The following ASB2 variants were observed in gnomAD, a reference collection of about 807,000 sequenced individuals.
ASB2 encodes the protein ankyrin repeat and SOCS box protein 2.
A neutral mutation model predicts 62.4 loss-of-function variants in ASB2; 58 were observed. The observed-to-expected ratio is 0.93, with a 90% confidence interval of 0.75 to 1.16. The LOEUF (loss-of-function observed/expected upper bound fraction) is 1.16. Ranked by LOEUF, ASB2 falls within the 50% of genes most tolerant of loss-of-function variation. ASB2 has a pLI of 0.00. For synonymous variants in ASB2, 386 were observed against 385.3 expected (o/e 1.00, Z -0.02); for missense variants, 928 against 887.9 (o/e 1.05, Z -0.57).
chr14:93,939,822 G>T, intron 7 of ASB2, 150 bp from the exon 8 acceptor site: 1 of 576,642 alleles, frequency 1.7e-6, no homozygotes, highest in Non-Finnish European at 2.8e-6. Flanking sequence ...AGGGGGCGCC[G>T]CGGGTCAACC....
At chr14:93,970,418 A>G (rs1458328812) in intron 1 of ASB2, among the ~76,000 whole-genome samples, 1 of 152,114 alleles carries the variant, frequency 6.6e-6, no homozygotes, top group East Asian at 1.9e-4. Flanking sequence ...CAGCTCCAGC[A>G]TCTCCTCTAC....
chr14:93,969,361 A>C (rs1011190265), intron 1 of ASB2, among the ~76,000 whole-genome samples: 3 of 152,196 alleles, frequency 2.0e-5, no homozygotes, highest in African/African-American at 7.2e-5. Flanking sequence ...CTGAGTTCAC[A>C]TCCCAGCTTT....
chr14:93,935,544 A>G (rs972560830), intron 9 of ASB2, among the ~76,000 whole-genome samples: 2 of 152,186 alleles, frequency 1.3e-5, no homozygotes, highest in African/African-American at 4.8e-5. Flanking sequence ...GGAGGCTTCC[A>G]CAAGAGACGG....
intron 7 of ASB2, among the ~76,000 whole-genome samples, chr14:93,946,565 C>T (rs930241158): frequency 2.6e-5 from 4 of 152,322 alleles, no homozygotes; most frequent in East Asian, 1.9e-4. Context: ...GGTGTGCAGT[C>T]GGTTCCTGAG....
intron 2 of ASB2, chr14:93,957,201 C>T: frequency 7.7e-7 from 1 of 1,304,556 alleles, no homozygotes; most frequent in Non-Finnish European, 9.7e-7. Flanking sequence ...ATTCTTCACC[C>T]AGGAGGATGT....
chr14:93,953,573 T>C, intron 4 of ASB2, 66 bp from the exon 5 acceptor site: 1 of 1,354,872 alleles, frequency 7.4e-7, no homozygotes, highest in Non-Finnish European at 1.0e-6. Context: ...ACAGAGGCTT[T>C]CCCGATTGCC....
At chr14:93,954,040 C>G (rs1889078416) in intron 4 of ASB2, among the ~76,000 whole-genome samples, 1 of 152,322 alleles carries the variant, frequency 6.6e-6, no homozygotes, top group South Asian at 2.1e-4. Flanking sequence ...CATTCTGGAA[C>G]AAGTTGGCAG....
At position 93,937,868 on chromosome 14, in the gene ASB2, C is replaced by T. The variant is rs776097016; in HGVS notation, c.1618-17G>A. ...CTCACAGAACTGAAAGAGAACATGC[C>T]GGGACCAAGAAGTGAGTTCATCCCA... On this transcript the variant is annotated splice_polypyrimidine_tract_variant and intron_variant, in intron 8 of 9. Transcript: ENST00000555019. The T allele has an allele frequency of 3.9e-5, 61 of 1,583,590 alleles. No homozygotes were observed. The highest frequency in any genetic ancestry group is 1.7e-4 in the Middle Eastern group (1 of 5,986).
intron 5 of ASB2, among the ~76,000 whole-genome samples, chr14:93,952,588 T>C (rs561426324): frequency 9.9e-5 from 15 of 152,208 alleles, no homozygotes; most frequent in Non-Finnish European, 2.1e-4. Context: ...AATGTAGTAG[T>C]TGAGGGCAGT....
chr14:93,974,600 A>T (rs552572195), intron 1 of ASB2, among the ~76,000 whole-genome samples: 1 of 152,218 alleles, frequency 6.6e-6, no homozygotes, highest in Non-Finnish European at 1.5e-5. Flanking sequence ...CCTGTTTACC[A>T]CTGCCACAGT....
At chr14:93,939,836 C>G (rs1055187192) in intron 7 of ASB2, 164 bp from the exon 8 acceptor site, 1 of 521,048 alleles carries the variant, frequency 1.9e-6, no homozygotes, top group South Asian at 3.2e-5. Flanking sequence ...GTCAACCATT[C>G]TCACCCCACT....
At chr14:93,936,102 C>T (rs1325796977) in intron 9 of ASB2, among the ~76,000 whole-genome samples, 2 of 152,192 alleles carry the variant, frequency 1.3e-5, no homozygotes, top group African/African-American at 4.8e-5. Flanking sequence ...CTGGGAAACT[C>T]AGCACAGGCT....
intron 2 of ASB2, among the ~76,000 whole-genome samples, chr14:93,962,000 C>CAATCCACTTT (rs1889422609): frequency 6.6e-6 from 1 of 151,532 alleles, no homozygotes; most frequent in Admixed American, 6.6e-5. Flanking sequence ...GGCACAGAAG[C>CAATCCACTTT]AATCCACTTT....
intron 1 of ASB2, among the ~76,000 whole-genome samples, chr14:93,969,580 G>A (rs2141320358): frequency 6.6e-6 from 1 of 152,318 alleles, no homozygotes; most frequent in South Asian, 2.1e-4. Context: ...CTGGGCCTAA[G>A]TCTTGGAGGG....
chr14:93,954,345 C>G lies in ASB2; in HGVS notation c.450G>C (p.Gln150His). ...GCTGCAGGACTTTCAGGCAGCCCACCTGGCCATAGTATGCGGCCTCGTGCA... is the reference window on the plus strand; with the variant it reads ...GCTGCAGGACTTTCAGGCAGCCCACGTGGCCATAGTATGCGGCCTCGTGCA... ...LPLHEAAYYG[Q>H]VGCLKVLQRA... The change falls in exon 4 of 10, where the codon CAG becomes CAC. Residue 150 changes from glutamine to histidine, a missense_variant. Gln to His is a conservative substitution (Grantham distance 24, BLOSUM62 0). Coordinates refer to ENST00000555019, the MANE Select transcript of ASB2 (RefSeq NM_001202429.2). The G allele has an allele frequency of 6.2e-7, 1 of 1,613,856 alleles. No individual in the cohort carries two copies. Among genetic ancestry groups the G allele is most frequent in the East Asian group, 2.2e-5 (1 of 44,882 alleles).
intron 1 of ASB2, among the ~76,000 whole-genome samples, chr14:93,966,002 C>A (rs560907701): frequency 6.6e-6 from 1 of 152,350 alleles, no homozygotes; most frequent in Admixed American, 6.5e-5. Flanking sequence ...AGGGCAAGTG[C>A]CCCTCTTCTG....
In ASB2 at chr14:93,934,347, C is replaced by A; in HGVS notation, c.*309G>T. The A allele has an allele frequency of 2.3e-6, 1 of 439,950 alleles. No individual in the cohort carries two copies. The highest frequency in any genetic ancestry group is 4.3e-6 in the Non-Finnish European group (1 of 233,082). The allele number at this position is 439,950 out of a possible 1,614,324, so 27.3% of individuals were successfully genotyped here. On this transcript the variant is annotated 3_prime_UTR_variant, in exon 10 of 10. Coordinates refer to ENST00000555019, the MANE Select transcript of ASB2 (RefSeq NM_001202429.2). ...GGGAAGGCTCTGAGCACCACCTTCC[C>A]CAGAACACCTCAAGCTCTGCCCTGG...
At chr14:93,946,117 G>A (rs1199741422) in intron 7 of ASB2, among the ~76,000 whole-genome samples, 1 of 152,230 alleles carries the variant, frequency 6.6e-6, no homozygotes, top group East Asian at 1.9e-4. Flanking sequence ...GAAAATCTGT[G>A]AATGGACAGT....
intron 7 of ASB2, among the ~76,000 whole-genome samples, chr14:93,942,038 G>A (rs560824634): frequency 1.3e-5 from 2 of 152,326 alleles, no homozygotes; most frequent in South Asian, 4.1e-4. Context: ...CCAGGGCCAA[G>A]CCTTCTACGA....
Sources: allele counts gnomAD v4.1 joint callset (sites outside exome capture counted in the v4.1 genomes callset), GRCh38; gene constraint gnomAD v4.1.1; transcripts MANE v1.5; gene names NCBI Gene and HGNC (gene_info 2026-07-23, HGNC 2026-07-21).